Variants in JAM3 observed in about 807,000 individuals in gnomAD.
JAM3 encodes junctional adhesion molecule 3, also known as junctional adhesion molecule C.
In JAM3, 31 loss-of-function variants were observed where a neutral mutation model predicts 39.4. The observed-to-expected ratio is 0.79, with a 90% CI of 0.59 to 1.06. The LOEUF (loss-of-function observed/expected upper bound fraction) is 1.06. JAM3 is among the 50% of genes least tolerant of loss of function. JAM3 has a pLI of 0.00. For missense variants in JAM3, 455 were observed against 391.4 expected, an observed-to-expected ratio of 1.16 and a Z score of -1.37; for synonymous variants, 182 against 148.7, an observed-to-expected ratio of 1.22 and a Z score of -1.63.
intron 1 of JAM3, among the ~76,000 whole-genome samples, chr11:134,120,273 CA>C (rs2120768165): frequency 6.6e-6 from 1 of 152,348 alleles, no homozygotes; most frequent in South Asian, 2.1e-4. Context: ...TGCAGCCTCG[CA>C]GTAATGCATG....
At position 134,091,520 on chromosome 11, in the gene JAM3, G is replaced by GATA. The variant is rs1565485017; in HGVS notation, c.76+22361_76+22362insATA. ...TCTCTAAATAAATAGATAGATAGATGGATAGATAGATAGATAGATAGGCAT... is the reference window on the plus strand; with the variant it reads ...TCTCTAAATAAATAGATAGATAGATGATAGATAGATAGATAGATAGATAGGCAT... On this transcript the variant is annotated intron_variant, in intron 1 of 8. Coordinates refer to ENST00000299106, the MANE Select transcript of JAM3 (RefSeq NM_032801.5). Among the ~76,000 whole-genome samples the GATA allele has an allele frequency of 1.3e-4, 20 of 150,838 alleles. No individual in the cohort carries two copies. The East Asian group carries it at 3.9e-3, about 30-fold the overall frequency.
chr11:134,128,613 C>T (rs964762520), intron 1 of JAM3, among the ~76,000 whole-genome samples: 4 of 152,018 alleles, frequency 2.6e-5, no homozygotes, highest in Non-Finnish European at 4.4e-5. Context: ...GGCAGTTCCC[C>T]CCTTATTCGC....
chr11:134,105,378 C>T (rs1277549813), intron 1 of JAM3, among the ~76,000 whole-genome samples: 1 of 152,122 alleles, frequency 6.6e-6, no homozygotes, highest in Non-Finnish European at 1.5e-5. Flanking sequence ...TTATTTATGA[C>T]AAACCCACAG....
intron 1 of JAM3, among the ~76,000 whole-genome samples, chr11:134,095,391 G>A (rs1337925535): frequency 6.6e-6 from 1 of 152,076 alleles, no homozygotes; most frequent in African/African-American, 2.4e-5. Context: ...CAGCACTTTG[G>A]GAGGCTGAGG....
At chr11:134,138,173 G>A (rs946764991) in intron 1 of JAM3, among the ~76,000 whole-genome samples, 10 of 129,186 alleles carry the variant, frequency 7.7e-5, no homozygotes, top group African/African-American at 2.0e-4. Flanking sequence ...CAGTGGTGGC[G>A]TCTCGTCGAA....
intron 1 of JAM3, among the ~76,000 whole-genome samples, chr11:134,138,943 A>G (rs1942923520): frequency 6.6e-6 from 1 of 152,234 alleles, no homozygotes; most frequent in African/African-American, 2.4e-5. Flanking sequence ...AGCTTGGAGC[A>G]GAGTTGCTCT....
At chr11:134,087,861 T>A (rs1275717636) in intron 1 of JAM3, among the ~76,000 whole-genome samples, 1 of 152,246 alleles carries the variant, frequency 6.6e-6, no homozygotes, top group Non-Finnish European at 1.5e-5. Flanking sequence ...TCAACTTTGG[T>A]ACTGTTGATA....
intron 6 of JAM3, chr11:134,148,215 C>T (rs1272459761): frequency 1.4e-5 from 5 of 365,196 alleles, no homozygotes; most frequent in East Asian, 6.1e-5. Context: ...TAATCTTGTC[C>T]TCATAACCAT....
At position 134,149,791 on chromosome 11, in the gene JAM3, A is replaced by AG; in HGVS notation, c.*611dup. On this transcript the variant is annotated 3_prime_UTR_variant, in exon 9 of 9. Transcript: ENST00000299106. ...TCAGGAAGGTAAATTGGTTGCTGGA[A>AG]GAGGGATCTTGCCTGAGGAACCCTG... is the stretch of plus-strand genomic sequence containing the variant. The AG allele has an allele frequency of 2.4e-6, 1 of 415,498 alleles. No homozygotes were observed. Among genetic ancestry groups the AG allele is most frequent in the East Asian group, 7.3e-5 (1 of 13,740 alleles). The allele number at this position is 415,498 out of a possible 1,614,324, so 25.7% of individuals were successfully genotyped here.
At chr11:134,134,540 A>G (rs1337362958) in intron 1 of JAM3, among the ~76,000 whole-genome samples, 2 of 152,228 alleles carry the variant, frequency 1.3e-5, no homozygotes, top group East Asian at 1.9e-4. Flanking sequence ...ATCGTACAGT[A>G]TTTGGATTGT....
chr11:134,144,117 GAAAT>G (rs1183130922), intron 3 of JAM3, 120 bp from the exon 4 acceptor site: 6 of 906,400 alleles, frequency 6.6e-6, no homozygotes, highest in South Asian at 5.5e-5. Context: ...CTCGGGAATA[GAAAT>G]AAATATTGAT....
chr11:134,074,944 G>A (rs931393905), intron 1 of JAM3, among the ~76,000 whole-genome samples: 2 of 150,614 alleles, frequency 1.3e-5, no homozygotes, highest in Non-Finnish European at 2.9e-5. Context: ...AAGTGCAGCT[G>A]CCTGGAAGCT....
chr11:134,081,730 G>A (rs373908572), intron 1 of JAM3, among the ~76,000 whole-genome samples: 1 of 152,334 alleles, frequency 6.6e-6, no homozygotes. Flanking sequence ...CCTACACAGA[G>A]TCCCTACTGG....
chr11:134,148,386 G>A (rs963437173), intron 6 of JAM3, 161 bp from the exon 7 acceptor site: 171 of 783,604 alleles, frequency 2.2e-4, no homozygotes, highest in Middle Eastern at 3.6e-4. Flanking sequence ...TATGTTCTAG[G>A]CTAGAAGGAT....
Position 134,109,353 on chromosome 11 carries a change from T to C in JAM3, c.77-30498T>C, listed in dbSNP as rs189711729. On this transcript the variant is annotated intron_variant, in intron 1 of 8. Coordinates refer to ENST00000299106, the MANE Select transcript of JAM3 (RefSeq NM_032801.5). ...GAACTTAAAAAAAATTAGGAAGAAGTAAAGCTGTCTTCATATCTTTATTTG... is the reference window on the plus strand; with the variant it reads ...GAACTTAAAAAAAATTAGGAAGAAGCAAAGCTGTCTTCATATCTTTATTTG... Among the ~76,000 whole-genome samples the C allele has an allele frequency of 2.0e-5, 3 of 152,324 alleles. No homozygotes were observed. The East Asian group carries it at 5.8e-4, about 29-fold the overall frequency.
At chr11:134,136,896 A>G (rs895202803) in intron 1 of JAM3, among the ~76,000 whole-genome samples, 1 of 152,120 alleles carries the variant, frequency 6.6e-6, no homozygotes. Context: ...GACGGATCAC[A>G]AGGTCAGGAG....
intron 2 of JAM3, among the ~76,000 whole-genome samples, chr11:134,140,251 A>G (rs1942950088): frequency 6.6e-6 from 1 of 152,124 alleles, no homozygotes; most frequent in Non-Finnish European, 1.5e-5. Context: ...CCTCCTGAGT[A>G]GCTGGGATTA....
At chr11:134,138,202 A>G (rs1465015574) in intron 1 of JAM3, among the ~76,000 whole-genome samples, 21 of 107,018 alleles carry the variant, frequency 2.0e-4, no homozygotes, top group East Asian at 2.7e-4. Context: ...GCTCATACTG[A>G]GAGAAATGTT....
At chr11:134,124,310 A>G in intron 1 of JAM3, 3 of 823,002 alleles carry the variant, frequency 3.6e-6, no homozygotes, top group Admixed American at 3.4e-5. Flanking sequence ...AAATCTCCAC[A>G]GGGGCTGGAC....
Sources: allele counts gnomAD v4.1 joint callset (sites outside exome capture counted in the v4.1 genomes callset), GRCh38; gene constraint gnomAD v4.1.1; transcripts MANE v1.5; gene names NCBI Gene and HGNC (gene_info 2026-07-23, HGNC 2026-07-21).